Variants in MAPRE2 observed in about 807,000 individuals in gnomAD.
MAPRE2 encodes microtubule-associated protein RP/EB family member 2.
MAPRE2 carries 13 observed loss-of-function variants against 43.2 expected under a neutral mutation model. The ratio of observed to expected loss-of-function variants is 0.30; its 90% CI spans 0.20 to 0.48. The LOEUF is 0.48. Among genes scored for constraint, MAPRE2 ranks in the 20% least tolerant of loss-of-function variants. The probability of loss-of-function intolerance (pLI) is 0.99; values close to 1 mark genes in which losing one functional copy is unlikely to be tolerated. For missense variants in MAPRE2, 161 were observed against 400.2 expected, an observed-to-expected ratio of 0.40 and a Z score of 5.10; for synonymous variants, 135 against 148.8, an observed-to-expected ratio of 0.91 and a Z score of 0.68.
chr18:35,050,904 G>A lies in MAPRE2; in HGVS notation c.122+9243G>A, dbSNP rs1374710911. On this transcript the variant is annotated intron_variant, in intron 1 of 6. Coordinates refer to ENST00000300249, the MANE Select transcript of MAPRE2 (RefSeq NM_014268.4). ...TGAAAACTGAGAGAACCCCCAGGGA[G>A]ACTGACCAATTAAGAAAAAAACAAG... is the stretch of plus-strand genomic sequence containing the variant. Among the ~76,000 whole-genome samples the A allele has an allele frequency of 3.9e-5, 6 of 152,136 alleles. No individual in the cohort carries two copies. The East Asian group carries it at 1.2e-3, about 29-fold the overall frequency.
intron 6 of MAPRE2, among the ~76,000 whole-genome samples, chr18:35,139,652 GGGGC>G (rs1174299691): frequency 6.6e-6 from 1 of 152,196 alleles, no homozygotes; most frequent in Non-Finnish European, 1.5e-5. Flanking sequence ...CTCATTGGGA[GGGGC>G]CTCTTTGCCT....
chr18:35,021,160 G>A (rs527589114), intron 2 of MAPRE2, among the ~76,000 whole-genome samples: 5 of 152,072 alleles, frequency 3.3e-5, no homozygotes, highest in Admixed American at 6.6e-5. Flanking sequence ...GATAAGCTAG[G>A]GTCAAACTGT....
intron 1 of MAPRE2, among the ~76,000 whole-genome samples, chr18:35,002,654 T>C (rs1327606390): frequency 1.3e-5 from 2 of 152,208 alleles, no homozygotes; most frequent in Non-Finnish European, 2.9e-5. Context: ...CTTTTATCTA[T>C]AGGCTAATAA....
intron 6 of MAPRE2, 25 bp downstream of exon 6, chr18:35,132,215 CTG>C (rs955002882): frequency 4.3e-6 from 7 of 1,610,566 alleles, no homozygotes; most frequent in Non-Finnish European, 5.9e-6. Flanking sequence ...CATGTGACTC[CTG>C]TGTTCTAAAA....
At chr18:35,014,847 T>C (rs1020010082) in intron 2 of MAPRE2, among the ~76,000 whole-genome samples, 13 of 152,170 alleles carry the variant, frequency 8.5e-5, no homozygotes, top group Admixed American at 1.3e-4. Context: ...ATCTACACTA[T>C]GCTTAGTGCA....
At chr18:35,128,410 A>G (rs1428644757) in intron 5 of MAPRE2, among the ~76,000 whole-genome samples, 1 of 152,228 alleles carries the variant, frequency 6.6e-6, no homozygotes, top group Non-Finnish European at 1.5e-5. Context: ...TAGTCCTCCC[A>G]TATCCATGGG....
chr18:35,036,704 T>G (rs571347566), upstream of MAPRE2, among the ~76,000 whole-genome samples: 189 of 152,340 alleles, frequency 1.2e-3, no homozygotes, highest in African/African-American at 4.4e-3. Flanking sequence ...TAAGAAAACC[T>G]AATATCCAAT....
At position 35,041,480 on chromosome 18, in the gene MAPRE2, C is replaced by A; in HGVS notation, c.-60C>A. The A allele has an allele frequency of 6.2e-7, 1 of 1,612,580 alleles. No homozygotes were observed. The highest frequency in any genetic ancestry group is 8.5e-7 in the Non-Finnish European group (1 of 1,179,296). On this transcript the variant is annotated 5_prime_UTR_variant, in exon 1 of 7. Transcript: ENST00000300249. Reference sequence around the variant, plus strand: ...GAGCAGGCGAGCGAGCGGGAAGACGCAGCCACCTTCCTCACCAGCCAGCCC... The same window carrying A: ...GAGCAGGCGAGCGAGCGGGAAGACGAAGCCACCTTCCTCACCAGCCAGCCC...
intron 4 of MAPRE2, among the ~76,000 whole-genome samples, chr18:35,124,414 A>C (rs547567128): frequency 7.9e-5 from 12 of 152,276 alleles, no homozygotes; most frequent in Middle Eastern, 3.4e-3. Flanking sequence ...ATTCAAGATG[A>C]GATTTGGGTG....
At chr18:35,075,351 C>T (rs572207118) in intron 2 of MAPRE2, among the ~76,000 whole-genome samples, 2 of 152,272 alleles carry the variant, frequency 1.3e-5, no homozygotes, top group East Asian at 3.9e-4. Flanking sequence ...ATCCCAGCCT[C>T]GTGTGTTGTC....
At chr18:35,018,685 T>C (rs2097040027) in intron 2 of MAPRE2, among the ~76,000 whole-genome samples, 1 of 151,986 alleles carries the variant, frequency 6.6e-6, no homozygotes, top group African/African-American at 2.4e-5. Context: ...CCTTTGTCAC[T>C]TCCAATTGTA....
At chr18:35,009,822 A>G (rs73422656) in intron 2 of MAPRE2, among the ~76,000 whole-genome samples, 505 of 152,290 alleles carry the variant, frequency 3.3e-3, no homozygotes, top group East Asian at 0.011. Flanking sequence ...CTAATCCAAC[A>G]TCTCATTTTA....
chr18:35,027,048 T>C (rs571036790), intron 2 of MAPRE2, among the ~76,000 whole-genome samples: 1 of 152,358 alleles, frequency 6.6e-6, no homozygotes, highest in Non-Finnish European at 1.5e-5. Flanking sequence ...AACTCCGAAG[T>C]TGAACATTCA....
chr18:35,104,127 A>G (rs1298350359), intron 4 of MAPRE2, among the ~76,000 whole-genome samples: 1 of 152,200 alleles, frequency 6.6e-6, no homozygotes, highest in African/African-American at 2.4e-5. Context: ...TTGTAGAAAG[A>G]GGGGTCACCA....
intron 1 of MAPRE2, among the ~76,000 whole-genome samples, chr18:35,059,727 T>G (rs905607761): frequency 3.9e-5 from 6 of 152,130 alleles, no homozygotes; most frequent in African/African-American, 1.2e-4. Context: ...AGTTGACATT[T>G]GAGCCAAACC....
intron 1 of MAPRE2, chr18:34,984,551 C>T (rs903157154): frequency 4.0e-5 from 6 of 151,644 alleles, no homozygotes; most frequent in African/African-American, 1.5e-4. Context: ...CCCATCCTAA[C>T]ACCAGTGATA....
At chr18:35,007,831 T>C (rs932663808) in intron 2 of MAPRE2, among the ~76,000 whole-genome samples, 17 of 152,200 alleles carry the variant, frequency 1.1e-4, no homozygotes, top group Admixed American at 3.3e-4. Flanking sequence ...GATTTTTTTT[T>C]TTCAATAAAT....
chr18:35,123,185 C>T (rs1275447891), intron 4 of MAPRE2, among the ~76,000 whole-genome samples: 2 of 152,224 alleles, frequency 1.3e-5, no homozygotes, highest in African/African-American at 2.4e-5. Context: ...CCTTCTACAT[C>T]TTATCAAACA....
intron 4 of MAPRE2, among the ~76,000 whole-genome samples, chr18:35,123,247 G>A (rs1263014832): frequency 3.9e-5 from 6 of 151,990 alleles, no homozygotes; most frequent in African/African-American, 1.5e-4. Context: ...AATATAATTA[G>A]TGGTAGCCCT....
Sources: allele counts gnomAD v4.1 joint callset (sites outside exome capture counted in the v4.1 genomes callset), GRCh38; gene constraint gnomAD v4.1.1; transcripts MANE v1.5; gene names NCBI Gene and HGNC (gene_info 2026-07-23, HGNC 2026-07-21).